The following TTC7B variants were observed in gnomAD, a reference collection of about 807,000 sequenced individuals.
The protein encoded by TTC7B is tetratricopeptide repeat protein 7B.
In TTC7B, 28 loss-of-function variants were observed where a neutral mutation model predicts 106.8. The ratio of observed to expected loss-of-function variants is 0.26; its 90% CI spans 0.19 to 0.36. The LOEUF (loss-of-function observed/expected upper bound fraction) is 0.36, where lower values mean the gene tolerates loss of function less well. TTC7B is among the 10% of genes least tolerant of loss of function. TTC7B has a pLI of 1.00. For synonymous variants in TTC7B, 405 were observed against 430.6 expected, an observed-to-expected ratio of 0.94 and a Z score of 0.74; for missense variants, 862 against 1,076.4, an observed-to-expected ratio of 0.80 and a Z score of 2.79.
At position 90,541,514 on chromosome 14, in the gene TTC7B, T is replaced by C; in HGVS notation, c.2386A>G (p.Thr796Ala). The C allele has an allele frequency of 6.2e-7, 1 of 1,613,964 alleles. No individual in the cohort carries two copies. Among genetic ancestry groups the C allele is most frequent in the South Asian group, 1.1e-5 (1 of 91,060 alleles). Residue 796 changes from threonine to alanine, a missense_variant, in exon 20 of 20, where the codon ACA becomes GCA. Transcript: ENST00000328459. ...AGCCCGTTCCAGACCTCGTGGGCTGTCGAGTTCACCTGCACCGCGTCCCGG... is the reference window on the plus strand; with the variant it reads ...AGCCCGTTCCAGACCTCGTGGGCTGCCGAGTTCACCTGCACCGCGTCCCGG... Reference protein sequence around the residue: ...ILRDAVQVNSTAHEVWNGLGE... With the variant: ...ILRDAVQVNSAAHEVWNGLGE...
chr14:90,582,585 G>T (rs1370142857), intron 18 of TTC7B, among the ~76,000 whole-genome samples: 1 of 152,222 alleles, frequency 6.6e-6, no homozygotes, highest in African/African-American at 2.4e-5. Flanking sequence ...AGCCCAAAGC[G>T]AGTCACAAAT....
chr14:90,643,416 A>G (rs570434503), intron 15 of TTC7B, among the ~76,000 whole-genome samples: 2 of 152,262 alleles, frequency 1.3e-5, no homozygotes, highest in East Asian at 1.9e-4. Context: ...TCAAAAAAAA[A>G]AAGGAATGTA....
chr14:90,630,493 G>A (rs768386548), intron 15 of TTC7B, among the ~76,000 whole-genome samples: 3 of 152,184 alleles, frequency 2.0e-5, no homozygotes, highest in Non-Finnish European at 4.4e-5. Flanking sequence ...TAAAATATAC[G>A]TAACATAAAA....
intron 2 of TTC7B, among the ~76,000 whole-genome samples, chr14:90,783,713 G>A (rs1891291918): frequency 6.6e-6 from 1 of 152,174 alleles, no homozygotes; most frequent in Non-Finnish European, 1.5e-5. Context: ...GACGCAGGCA[G>A]ATCACCTGAG....
intron 1 of TTC7B, among the ~76,000 whole-genome samples, chr14:90,804,152 G>A (rs1054486969): frequency 2.0e-5 from 3 of 152,020 alleles, no homozygotes; most frequent in Admixed American, 6.6e-5. Context: ...TGGCTAACAC[G>A]GTGAAACCCC....
intron 1 of TTC7B, among the ~76,000 whole-genome samples, chr14:90,789,280 T>C (rs1231963024): frequency 6.6e-6 from 1 of 151,992 alleles, no homozygotes; most frequent in Non-Finnish European, 1.5e-5. Flanking sequence ...GTATTTTTAG[T>C]AGAGACGGAG....
At chr14:90,609,004 T>G (rs1892769211) in intron 17 of TTC7B, among the ~76,000 whole-genome samples, 1 of 152,198 alleles carries the variant, frequency 6.6e-6, no homozygotes, top group Non-Finnish European at 1.5e-5. Context: ...GGTGCTATAG[T>G]GAGTTTCACT....
At chr14:90,555,191 T>C (rs1890250254) in intron 19 of TTC7B, among the ~76,000 whole-genome samples, 1 of 152,174 alleles carries the variant, frequency 6.6e-6, no homozygotes, top group African/African-American at 2.4e-5. Flanking sequence ...AGTCCTTCCC[T>C]GATGGTCAGC....
At chr14:90,733,150 C>A (rs1889387931) in intron 4 of TTC7B, among the ~76,000 whole-genome samples, 1 of 152,092 alleles carries the variant, frequency 6.6e-6, no homozygotes, top group Non-Finnish European at 1.5e-5. Flanking sequence ...GAAAAGGCAA[C>A]AGGAAAGTAA....
At chr14:90,694,823 TAC>T (rs1887634389) in intron 6 of TTC7B, among the ~76,000 whole-genome samples, 1 of 139,720 alleles carries the variant, frequency 7.2e-6, no homozygotes, top group South Asian at 2.2e-4. Context: ...ATATTTTATA[TAC>T]ATATATATGT....
intron 5 of TTC7B, among the ~76,000 whole-genome samples, chr14:90,721,122 C>T (rs939725021): frequency 6.6e-6 from 1 of 152,034 alleles, no homozygotes. Flanking sequence ...CAGGGAGGGG[C>T]CTTTGGGAGA....
At position 90,796,922 on chromosome 14, in the gene TTC7B, G is replaced by C. The variant is rs182273390; in HGVS notation, c.122-10594C>G. On this transcript the variant is annotated intron_variant, in intron 1 of 19. Coordinates refer to ENST00000328459, the MANE Select transcript of TTC7B (RefSeq NM_001010854.2). The stretch of plus-strand genomic sequence containing the variant: ...GAGTGCAGTGGCACAATCTCAGCCC[G>C]TTGCAACCTGACTCCCAGGCTCAAG... Among the ~76,000 whole-genome samples the C allele has an allele frequency of 2.5e-4, 37 of 150,456 alleles. No individual in the cohort carries two copies. The Admixed American group carries it at 2.5e-3, about 10-fold the overall frequency.
At chr14:90,546,551 G>C (rs1889839324) in intron 19 of TTC7B, among the ~76,000 whole-genome samples, 1 of 152,194 alleles carries the variant, frequency 6.6e-6, no homozygotes, top group Non-Finnish European at 1.5e-5. Context: ...TCCTGCTAGA[G>C]CCCTTGTCCA....
chr14:90,707,452 G>A (rs1888255460), intron 5 of TTC7B, among the ~76,000 whole-genome samples: 1 of 152,168 alleles, frequency 6.6e-6, no homozygotes, highest in African/African-American at 2.4e-5. Context: ...TAAATCAAAA[G>A]CTGGAAATAA....
At chr14:90,694,678 TTTTTATTTTATTATAAA>T (rs1887616670) in intron 6 of TTC7B, among the ~76,000 whole-genome samples, 1 of 45,952 alleles carries the variant, frequency 2.2e-5, no homozygotes, top group African/African-American at 7.8e-5. Flanking sequence ...TATATGTATA[TTTTTATTTTATTATAAA>T]ATATATTTTA....
intron 1 of TTC7B, among the ~76,000 whole-genome samples, chr14:90,810,186 G>A (rs1164938998): frequency 6.6e-6 from 1 of 152,164 alleles, no homozygotes; most frequent in Non-Finnish European, 1.5e-5. Context: ...CATATGCTTT[G>A]ATGCAGAAAT....
chr14:90,627,659 C>G (rs1884507226), intron 15 of TTC7B, among the ~76,000 whole-genome samples: 2 of 152,296 alleles, frequency 1.3e-5, no homozygotes, highest in Admixed American at 1.3e-4. Context: ...TTATGACAGG[C>G]AGGAGCTCCT....
chr14:90,767,528 T>C (rs72695515), intron 3 of TTC7B, among the ~76,000 whole-genome samples: 4,347 of 152,232 alleles, frequency 0.029, 111 homozygotes, highest in Non-Finnish European at 0.042. Flanking sequence ...TCCAGCCCCC[T>C]TTTCCTTCTT....
intron 17 of TTC7B, 82 bp downstream of exon 17, chr14:90,610,660 C>G: frequency 1.0e-6 from 1 of 996,190 alleles, no homozygotes; most frequent in Non-Finnish European, 1.6e-6. Context: ...CCAACCCGAT[C>G]AGTCTCATCC....
Sources: allele counts gnomAD v4.1 joint callset (sites outside exome capture counted in the v4.1 genomes callset), GRCh38; gene constraint gnomAD v4.1.1; transcripts MANE v1.5; gene names NCBI Gene and HGNC (gene_info 2026-07-23, HGNC 2026-07-21).